Variants in NFKBIL1 observed in about 807,000 individuals in gnomAD.
The protein encoded by NFKBIL1 is NFKB inhibitor like 1, also known as NF-kappa-B inhibitor-like protein 1.
A neutral mutation model predicts 45.4 loss-of-function variants in NFKBIL1; 30 were observed. The observed-to-expected ratio is 0.66, with a 90% CI of 0.49 to 0.90. The LOEUF is 0.90. Among genes scored for constraint, NFKBIL1 ranks in the 40% least tolerant of loss-of-function variants. The pLI, the probability that NFKBIL1 is intolerant of heterozygous loss-of-function variation, is 0.00. For synonymous variants in NFKBIL1, 179 were observed against 197.3 expected, an observed-to-expected ratio of 0.91 and a Z score of 0.78; for missense variants, 434 against 513.4, an observed-to-expected ratio of 0.85 and a Z score of 1.49.
chr6:31,547,623 T>C lies in NFKBIL1; in HGVS notation c.-72T>C. On this transcript the variant is annotated 5_prime_UTR_variant, in exon 1 of 4. Coordinates refer to ENST00000376148, the MANE Select transcript of NFKBIL1 (RefSeq NM_005007.4). ...GTGTCTCCGCCCTTCCCGCCTCCCG[T>C]CTCCGAGCTTCTTAAACACAGGCCT... 1 of 1,103,818 alleles carries C rather than the reference T, an allele frequency of 9.1e-7. No individual in the cohort carries two copies. Among genetic ancestry groups the C allele is most frequent in the Non-Finnish European group, 1.3e-6 (1 of 758,512 alleles). The allele number at this position is 1,103,818 out of a possible 1,614,324, so 68.4% of individuals were successfully genotyped here.
rs187870036 is a variant in NFKBIL1 at position 31,552,956 on chromosome 6, G to A, written c.334+4517G>A. ...CCTGACCTCATGATCCGCCCGCCTC[G>A]GCCTCCCAAAATGCTGGGATTAGAG... On this transcript the variant is annotated intron_variant, in intron 2 of 3. Coordinates refer to ENST00000376148, the MANE Select transcript of NFKBIL1 (RefSeq NM_005007.4). 2.4e-3 allele frequency among the ~76,000 whole-genome samples: 361 copies of A among 147,782 alleles called. 3 individuals are homozygous for A. The highest frequency in any genetic ancestry group is 0.015 in the East Asian group (75 of 4,840).
chr6:31,547,850 TG>T, intron 1 of NFKBIL1, 99 bp downstream of exon 1: 1 of 1,074,978 alleles, frequency 9.3e-7, no homozygotes. Context: ...CCGGCCCTGT[TG>T]GGTTTTTTTA....
chr6:31,555,907 C>A (rs3130061), intron 2 of NFKBIL1, among the ~76,000 whole-genome samples: 57,841 of 150,366 alleles, frequency 0.38, 11,601 homozygotes, highest in African/African-American at 0.5. Flanking sequence ...TGTCCCCCCC[C>A]CCCAGCCTCC....
At chr6:31,556,894 A>G (rs537824243) in intron 2 of NFKBIL1, 2 of 377,140 alleles carry the variant, frequency 5.3e-6, no homozygotes, top group African/African-American at 4.2e-5. Flanking sequence ...AATGGCCCAG[A>G]GTAGAGCATT....
At position 31,558,190 on chromosome 6, in the gene NFKBIL1, A is replaced by G. The variant is rs775101805; in HGVS notation, c.725A>G (p.Glu242Gly). 46 of 1,607,634 alleles carry G rather than the reference A, an allele frequency of 2.9e-5. No homozygotes were observed. Among genetic ancestry groups the G allele is most frequent in the Non-Finnish European group, 3.5e-5 (41 of 1,177,806 alleles). ...SSQSWRQQEE[E>G]QRLFRERARA... ...CAGAGCTGGCGACAGCAGGAGGAGG[A>G]GCAGCGGCTCTTCAGGGAGCGAGCC... is the stretch of plus-strand genomic sequence containing the variant. Residue 242 changes from glutamate (E) to glycine (G), a missense_variant, in exon 4 of 4, where the codon GAG becomes GGG. Coordinates refer to ENST00000376148, the MANE Select transcript of NFKBIL1 (RefSeq NM_005007.4). This position sits in a 1 kb window ranked among gnomAD's most constrained non-coding sequence, Gnocchi z 7.2.
chr6:31,558,748 A>C lies in NFKBIL1; in HGVS notation c.*137A>C. 19 of 693,658 alleles carry C rather than the reference A, an allele frequency of 2.7e-5. No individual in the cohort carries two copies. The highest frequency in any genetic ancestry group is 3.2e-5 in the Non-Finnish European group (14 of 433,968). 43.0% of individuals were successfully genotyped at this position (693,658 alleles called of 1,614,324 possible). A position where few individuals can be genotyped will look rare whatever the true frequency, so the allele number is the denominator to read the frequency against. ...GATATGGGTGGGAGCGAAAGTTGTA[A>C]CAAGTGGGGGTGGGGGGTGCGGGCC... On this transcript the variant is annotated 3_prime_UTR_variant, in exon 4 of 4. Coordinates refer to ENST00000376148, the MANE Select transcript of NFKBIL1 (RefSeq NM_005007.4). This position sits in a 1 kb window ranked among gnomAD's most constrained non-coding sequence, Gnocchi z 7.2.
In NFKBIL1 at chr6:31,557,907, A is replaced by C; in HGVS notation, c.556+58A>C. On this transcript the variant is annotated intron_variant, in intron 3 of 3. Coordinates refer to ENST00000376148, the MANE Select transcript of NFKBIL1 (RefSeq NM_005007.4). This position sits in a 1 kb window ranked among gnomAD's most constrained non-coding sequence, Gnocchi z 5.4. ...TCCCCACTGGCTGCTTTCCATCTGCATGAATGCGTCACACTAGGCTCCTCT... is the reference window on the plus strand; with the variant it reads ...TCCCCACTGGCTGCTTTCCATCTGCCTGAATGCGTCACACTAGGCTCCTCT... 1 of 1,523,264 alleles carries C rather than the reference A, an allele frequency of 6.6e-7. No homozygotes were observed. Among genetic ancestry groups the C allele is most frequent in the Non-Finnish European group, 8.9e-7 (1 of 1,122,866 alleles). The allele number at this position is 1,523,264 out of a possible 1,614,324, so 94.4% of individuals were successfully genotyped here.
intron 2 of NFKBIL1, among the ~76,000 whole-genome samples, chr6:31,555,115 T>G (rs1262938909): frequency 6.6e-6 from 1 of 152,146 alleles, no homozygotes; most frequent in Non-Finnish European, 1.5e-5. Flanking sequence ...AAAGAAAATT[T>G]CAACTTAATT....
At position 31,548,360 on chromosome 6, in the gene NFKBIL1, T is replaced by G. The variant is rs1202434915; in HGVS notation, c.255T>G (p.Leu85=). Residue 85 remains leucine, a synonymous_variant, in exon 2 of 4, where the codon CTT becomes CTG. Coordinates refer to ENST00000376148, the MANE Select transcript of NFKBIL1 (RefSeq NM_005007.4). ...RHDAPALCLL[L]RLGADPAHQD... The stretch of plus-strand genomic sequence containing the variant: ...ATGCCCCTGCCCTGTGCCTGCTGCT[T>G]CGGCTCGGGGCTGACCCTGCCCACC... 4 of 1,588,838 alleles carry G rather than the reference T, an allele frequency of 2.5e-6. No individual in the cohort carries two copies. The highest frequency in any genetic ancestry group is 2.6e-6 in the Non-Finnish European group (3 of 1,168,632).
At position 31,556,694 on chromosome 6, in the gene NFKBIL1, T is replaced by G. The variant is rs544214076; in HGVS notation, c.335-934T>G. 2.9e-4 allele frequency: 133 copies of G among 457,282 alleles called. 1 individual carries two copies. The highest frequency in any genetic ancestry group is 1.9e-3 in the South Asian group (120 of 64,570). 28.3% of individuals were successfully genotyped at this position (457,282 alleles called of 1,614,324 possible). ...ACACTCCACTCCCTTTCCCCTGCCCTAGGTCAGCAGTCATTTGGAAAGAGC... is the reference window on the plus strand; with the variant it reads ...ACACTCCACTCCCTTTCCCCTGCCCGAGGTCAGCAGTCATTTGGAAAGAGC... On this transcript the variant is annotated intron_variant, in intron 2 of 3. Coordinates refer to ENST00000376148, the MANE Select transcript of NFKBIL1 (RefSeq NM_005007.4).
At chr6:31,552,367 G>A (rs1381405597) in intron 2 of NFKBIL1, among the ~76,000 whole-genome samples, 2 of 152,054 alleles carry the variant, frequency 1.3e-5, no homozygotes, top group South Asian at 2.1e-4. Context: ...CCACCTCCCA[G>A]GTTCAAGAGA....
At position 31,558,188 on chromosome 6, in the gene NFKBIL1, G is replaced by A. The variant is rs1273573407; in HGVS notation, c.723G>A (p.Glu241=). ...GSSQSWRQQE[E]EQRLFRERAR... ...GCCAGAGCTGGCGACAGCAGGAGGA[G>A]GAGCAGCGGCTCTTCAGGGAGCGAG... The change falls in exon 4 of 4, where the codon GAG becomes GAA. Residue 241 remains glutamate, a synonymous_variant. Coordinates refer to ENST00000376148, the MANE Select transcript of NFKBIL1 (RefSeq NM_005007.4). This position sits in a 1 kb window ranked among gnomAD's most constrained non-coding sequence, Gnocchi z 7.2. 6.2e-7 allele frequency: 1 copy of A among 1,607,930 alleles called. No homozygotes were observed. The highest frequency in any genetic ancestry group is 8.5e-7 in the Non-Finnish European group (1 of 1,177,894).
intron 2 of NFKBIL1, among the ~76,000 whole-genome samples, chr6:31,556,964 G>A (rs1018161534): frequency 2.0e-5 from 3 of 152,212 alleles, no homozygotes; most frequent in Non-Finnish European, 4.4e-5. Flanking sequence ...TTTATATAGT[G>A]ACAATATTTT....
chr6:31,552,498 A>G (rs1769483801), intron 2 of NFKBIL1, among the ~76,000 whole-genome samples: 2 of 151,574 alleles, frequency 1.3e-5, no homozygotes, highest in African/African-American at 2.4e-5. Flanking sequence ...CATGTTAGCC[A>G]GGATGGTCTC....
chr6:31,556,583 G>T, intron 2 of NFKBIL1: 1 of 413,962 alleles, frequency 2.4e-6, no homozygotes, highest in East Asian at 7.4e-5. Flanking sequence ...GCCAGATGCA[G>T]CAAGGTTGGG....
chr6:31,553,633 T>TTATA (rs1474218239), intron 2 of NFKBIL1, among the ~76,000 whole-genome samples: 3 of 152,164 alleles, frequency 2.0e-5, no homozygotes, highest in Non-Finnish European at 2.9e-5. Flanking sequence ...GTGTATTGTA[T>TTATA]TATACTTTGT....
chr6:31,547,733 C>G lies in NFKBIL1; in HGVS notation c.39C>G (p.Ala13=). The change falls in exon 1 of 4, where the codon GCC becomes GCG. Residue 13 remains alanine, a synonymous_variant. Transcript: ENST00000376148. ...NPSPQVPEEE[A]STSVCRPKSS... ...CCCCCCAGGTTCCAGAGGAAGAAGCCTCCACATCTGTCTGCCGGGTACATG... is the reference window on the plus strand; with the variant it reads ...CCCCCCAGGTTCCAGAGGAAGAAGCGTCCACATCTGTCTGCCGGGTACATG... The G allele has an allele frequency of 6.2e-7, 1 of 1,612,084 alleles. No individual in the cohort carries two copies. The highest frequency in any genetic ancestry group is 8.5e-7 in the Non-Finnish European group (1 of 1,179,308).
chr6:31,549,242 C>G (rs2150360813), intron 2 of NFKBIL1, among the ~76,000 whole-genome samples: 1 of 151,976 alleles, frequency 6.6e-6, no homozygotes, highest in East Asian at 1.9e-4. Flanking sequence ...GTTCCTGTTT[C>G]TCTGTTTTTT....
intron 2 of NFKBIL1, among the ~76,000 whole-genome samples, chr6:31,550,274 C>T (rs1454155148): frequency 6.6e-6 from 1 of 151,886 alleles, no homozygotes; most frequent in Non-Finnish European, 1.5e-5. Context: ...AAGCTGAAAC[C>T]TTCTTTCCCC....
Sources: gnomAD v4.1 joint callset for allele counts (sites outside exome capture counted in the v4.1 genomes callset) on GRCh38, gnomAD v4.1.1 for gene constraint, Gnocchi (gnomAD v3.1) non-coding constraint, MANE v1.5 for transcripts, NCBI Gene and HGNC (gene_info 2026-07-23, HGNC 2026-07-21) for gene names.